The following TDRD5 variants were observed in gnomAD, a reference collection of about 807,000 sequenced individuals.
The protein encoded by TDRD5 is tudor domain containing 5.
A neutral mutation model predicts 120.6 loss-of-function variants in TDRD5; 41 were observed. The ratio of observed to expected loss-of-function variants is 0.34; its 90% CI spans 0.26 to 0.44. TDRD5 has a LOEUF of 0.44. Among genes scored for constraint, TDRD5 ranks in the 20% least tolerant of loss-of-function variants. The pLI is 1.00. For missense variants in TDRD5, 1,006 were observed against 1,221.2 expected (o/e 0.82, Z 2.63); for synonymous variants, 430 against 433.7 (o/e 0.99, Z 0.11).
chr1:179,649,137 T>C (rs1222594468), intron 11 of TDRD5, among the ~76,000 whole-genome samples: 4 of 152,166 alleles, frequency 2.6e-5, no homozygotes, highest in Non-Finnish European at 5.9e-5. Flanking sequence ...TCTAGGTGTT[T>C]TTAAAATTTT....
intron 4 of TDRD5, among the ~76,000 whole-genome samples, chr1:179,614,669 A>G (rs1298107462): frequency 6.6e-6 from 1 of 152,172 alleles, no homozygotes; most frequent in East Asian, 1.9e-4. Flanking sequence ...AGTTTCCTTC[A>G]GAGATCCCTC....
At chr1:179,624,855 G>A (rs1241363481) in intron 6 of TDRD5, among the ~76,000 whole-genome samples, 1 of 151,992 alleles carries the variant, frequency 6.6e-6, no homozygotes, top group South Asian at 2.1e-4. Flanking sequence ...CATAATTCTT[G>A]CGGGCTATTC....
Position 179,640,058 on chromosome 1 carries a change from TG to T in TDRD5, c.1733+8del. The T allele has an allele frequency of 6.2e-7, 1 of 1,613,342 alleles. No individual in the cohort carries two copies. The highest frequency in any genetic ancestry group is 8.5e-7 in the Non-Finnish European group (1 of 1,179,412). The stretch of plus-strand genomic sequence containing the variant: ...CCTCCCTGAGGTTCCTCAAGTGAGT[TG>T]AATTGAATTAGAACAATGGATGAAT... On this transcript the variant is annotated splice_region_variant and intron_variant, in intron 10 of 17. Transcript: ENST00000444136.
intron 14 of TDRD5, among the ~76,000 whole-genome samples, chr1:179,660,406 G>A (rs977005227): frequency 4.6e-5 from 7 of 151,674 alleles, no homozygotes; most frequent in Admixed American, 2.0e-4. Context: ...ATTTTCAGTA[G>A]AGACGGGGTT....
At chr1:179,654,436 A>T in intron 14 of TDRD5, 74 bp downstream of exon 14, 1 of 1,380,576 alleles carries the variant, frequency 7.2e-7, no homozygotes, top group Non-Finnish European at 9.6e-7. Flanking sequence ...AGAGGACTGG[A>T]ATAAACTCTG....
intron 16 of TDRD5, 140 bp from the exon 17 acceptor site, chr1:179,669,054 A>T: frequency 1.2e-6 from 1 of 844,624 alleles, no homozygotes; most frequent in Non-Finnish European, 1.7e-6. Flanking sequence ...GAGAGTATCT[A>T]GGTTCTTGAA....
In TDRD5 at chr1:179,613,476, T is replaced by A. The variant is rs549554453; in HGVS notation, c.832-5123T>A. Among the ~76,000 whole-genome samples the A allele has an allele frequency of 2.6e-5, 4 of 152,350 alleles. No individual in the cohort carries two copies. The South Asian group carries it at 8.3e-4, about 32-fold the overall frequency. Reference sequence around the variant, plus strand: ...TTTATAGGGTCTTAGTTCTGGCTGCTATAACAAGCTACCGCAAACTGGGTG... The same window carrying A: ...TTTATAGGGTCTTAGTTCTGGCTGCAATAACAAGCTACCGCAAACTGGGTG... On this transcript the variant is annotated intron_variant, in intron 4 of 17. Transcript: ENST00000444136.
At chr1:179,684,488 A>G (rs1352977267) in intron 17 of TDRD5, among the ~76,000 whole-genome samples, 1 of 152,130 alleles carries the variant, frequency 6.6e-6, no homozygotes, top group East Asian at 1.9e-4. Flanking sequence ...TGCTATTGTG[A>G]ATAGTGCTGC....
chr1:179,642,065 TCTTCTTTTTCTTTTCC>T (rs561660554), intron 11 of TDRD5, among the ~76,000 whole-genome samples: 24 of 152,032 alleles, frequency 1.6e-4, no homozygotes, highest in African/African-American at 4.8e-4. Context: ...TTTTTTGTTC[TCTTCTTTTTCTTTTCC>T]CTTCTTACTT....
At chr1:179,625,278 T>G (rs1677062550) in intron 6 of TDRD5, among the ~76,000 whole-genome samples, 1 of 152,142 alleles carries the variant, frequency 6.6e-6, no homozygotes, top group Non-Finnish European at 1.5e-5. Flanking sequence ...GGCAAAGCTT[T>G]CTTAGGACAC....
intron 4 of TDRD5, among the ~76,000 whole-genome samples, chr1:179,615,303 G>A (rs2101957260): frequency 6.6e-6 from 1 of 152,136 alleles, no homozygotes; most frequent in African/African-American, 2.4e-5. Flanking sequence ...ATGAGTAAGT[G>A]GGTATTTTTA....
chr1:179,637,657 G>A (rs985810042), intron 9 of TDRD5, among the ~76,000 whole-genome samples: 1 of 151,414 alleles, frequency 6.6e-6, no homozygotes, highest in Non-Finnish European at 1.5e-5. Flanking sequence ...TGAAGCTGCA[G>A]TGAGTCATGA....
intron 14 of TDRD5, 52 bp downstream of exon 14, chr1:179,654,414 A>G (rs2102071619): frequency 6.9e-7 from 1 of 1,440,300 alleles, no homozygotes; most frequent in East Asian, 2.5e-5. Flanking sequence ...AATACACTGA[A>G]TTCATAAGTG....
rs754569041 is a variant in TDRD5, at chr1:179,635,661, T to C, written c.1300-6T>C. On this transcript the variant is annotated splice_polypyrimidine_tract_variant and splice_region_variant and intron_variant, in intron 8 of 17. Transcript: ENST00000444136. ...AGATTTTTAATTTTTTTTTTCTAAC[T>C]TATAGCAAGTAGAAACAAACAAATC... 1 of 1,612,876 alleles carries C rather than the reference T, an allele frequency of 6.2e-7. No individual in the cohort carries two copies.
intron 15 of TDRD5, among the ~76,000 whole-genome samples, chr1:179,662,641 A>T (rs1679373313): frequency 6.6e-6 from 1 of 152,058 alleles, no homozygotes; most frequent in African/African-American, 2.4e-5. Context: ...GAGAAAAGGA[A>T]ATTTAAATTT....
At chr1:179,604,999 C>T (rs1440293140) in intron 4 of TDRD5, among the ~76,000 whole-genome samples, 1 of 151,076 alleles carries the variant, frequency 6.6e-6, no homozygotes. Flanking sequence ...TATTGTGTTG[C>T]TGTCTATCTC....
intron 17 of TDRD5, among the ~76,000 whole-genome samples, chr1:179,674,866 T>G (rs1347661137): frequency 6.6e-6 from 1 of 152,230 alleles, no homozygotes; most frequent in African/African-American, 2.4e-5. Context: ...CTTTTGTGTT[T>G]CTGTGGTATC....
At chr1:179,626,750 A>C (rs928618687) in intron 6 of TDRD5, among the ~76,000 whole-genome samples, 1 of 151,322 alleles carries the variant, frequency 6.6e-6, no homozygotes, top group Non-Finnish European at 1.5e-5. Flanking sequence ...GAAATTTTAC[A>C]TAAGAAAATC....
chr1:179,663,494 A>C lies in TDRD5; in HGVS notation c.2649+3A>C. On this transcript the variant is annotated splice_donor_region_variant and intron_variant, in intron 16 of 17. Transcript: ENST00000444136. Reference sequence around the variant, plus strand: ...CTGGCACAAACAGGACTCAAAAGGTAAATGTCTAATGCAGGTTATTGGGAC... The same window carrying C: ...CTGGCACAAACAGGACTCAAAAGGTCAATGTCTAATGCAGGTTATTGGGAC... The C allele has an allele frequency of 3.7e-6, 6 of 1,608,210 alleles. No homozygotes were observed. Among genetic ancestry groups the C allele is most frequent in the Non-Finnish European group, 5.1e-6 (6 of 1,178,424 alleles).
Sources: gnomAD v4.1 joint callset for allele counts (sites outside exome capture counted in the v4.1 genomes callset) on GRCh38, gnomAD v4.1.1 for gene constraint, MANE v1.5 for transcripts, NCBI Gene and HGNC (gene_info 2026-07-23, HGNC 2026-07-21) for gene names.